SPHKAP: variants seen among roughly 807,000 people sequenced by gnomAD.
SPHKAP encodes SPHK1 interactor, AKAP domain containing, also known as A-kinase anchor protein SPHKAP.
In SPHKAP, 67 loss-of-function variants were observed where a neutral mutation model predicts 137.5. The ratio of observed to expected loss-of-function variants is 0.49; its 90% confidence interval spans 0.40 to 0.60. The LOEUF is 0.60. SPHKAP is among the 20% of genes least tolerant of loss of function. The pLI, the probability that SPHKAP is intolerant of heterozygous loss-of-function variation, is 0.00. For synonymous variants in SPHKAP, 813 were observed against 785.3 expected (o/e 1.04, Z -0.59); for missense variants, 2,097 against 2,069.3 (o/e 1.01, Z -0.26).
At chr2:227,990,632 G>C (rs938537478) in intron 11 of SPHKAP, among the ~76,000 whole-genome samples, 6 of 152,078 alleles carry the variant, frequency 3.9e-5, no homozygotes, top group Admixed American at 6.5e-5. Flanking sequence ...TGTCAGTGTG[G>C]CCTCACTTTG....
chr2:228,108,998 GCTCT>G, intron 2 of SPHKAP, 59 bp from the exon 3 acceptor site: 6 of 1,056,490 alleles, frequency 5.7e-6, no homozygotes, highest in Non-Finnish European at 7.9e-6. Context: ...CTAAACAGCA[GCTCT>G]CTCTCTTTTT....
intron 3 of SPHKAP, among the ~76,000 whole-genome samples, chr2:228,045,499 C>G (rs563389746): frequency 6.6e-6 from 1 of 151,114 alleles, no homozygotes; most frequent in Admixed American, 6.6e-5. Flanking sequence ...ATCGCAAGGA[C>G]AAAAAACCAA....
At chr2:227,984,678 C>T (rs1014601079) in intron 11 of SPHKAP, among the ~76,000 whole-genome samples, 5 of 152,186 alleles carry the variant, frequency 3.3e-5, no homozygotes, top group Admixed American at 6.5e-5. Context: ...TATGATTCCA[C>T]TAAGCAGGCT....
intron 1 of SPHKAP, among the ~76,000 whole-genome samples, chr2:228,158,419 G>A (rs1700176050): frequency 6.7e-6 from 1 of 149,940 alleles, no homozygotes; most frequent in Admixed American, 6.7e-5. Context: ...TCTGAAAGTG[G>A]TTAAAGTAGC....
At chr2:228,151,084 T>G (rs1699914195) in intron 1 of SPHKAP, among the ~76,000 whole-genome samples, 1 of 128,514 alleles carries the variant, frequency 7.8e-6, no homozygotes, top group African/African-American at 2.8e-5. Flanking sequence ...CCCTCCCCGC[T>G]CCCCCCACCC....
At chr2:228,118,389 A>G (rs1248432025) in intron 2 of SPHKAP, among the ~76,000 whole-genome samples, 1 of 151,896 alleles carries the variant, frequency 6.6e-6, no homozygotes, top group Non-Finnish European at 1.5e-5. Context: ...TTGGGTAAGT[A>G]CCCAAGAATG....
chr2:228,095,350 T>A (rs551217535), intron 3 of SPHKAP, among the ~76,000 whole-genome samples: 9 of 152,174 alleles, frequency 5.9e-5, no homozygotes, highest in Non-Finnish European at 1.3e-4. Context: ...TTTGGACAGA[T>A]CTTTGGGAAA....
intron 1 of SPHKAP, chr2:228,172,991 G>T: frequency 1.0e-6 from 1 of 974,382 alleles, no homozygotes; most frequent in Non-Finnish European, 1.2e-6. Flanking sequence ...TGGAAAACTT[G>T]CTGAATAGCA....
At chr2:228,139,914 C>T (rs779326254) in intron 1 of SPHKAP, among the ~76,000 whole-genome samples, 4 of 119,438 alleles carry the variant, frequency 3.3e-5, no homozygotes, top group Non-Finnish European at 8.0e-5. Context: ...TATTTATTTT[C>T]TTTCTTTCTT....
At chr2:228,075,921 G>C (rs984442826) in intron 3 of SPHKAP, among the ~76,000 whole-genome samples, 5 of 152,198 alleles carry the variant, frequency 3.3e-5, no homozygotes, top group Non-Finnish European at 7.3e-5. Flanking sequence ...TGGGTTGGCT[G>C]TGTCCTCACT....
intron 5 of SPHKAP, 102 bp downstream of exon 5, chr2:228,025,292 G>A (rs559419467): frequency 1.7e-5 from 21 of 1,216,310 alleles, no homozygotes; most frequent in South Asian, 1.0e-4. Flanking sequence ...TGATTCCTAT[G>A]TTACAGAAGC....
At chr2:228,134,298 C>G (rs1364312909) in intron 1 of SPHKAP, among the ~76,000 whole-genome samples, 5 of 151,956 alleles carry the variant, frequency 3.3e-5, no homozygotes, top group Admixed American at 6.6e-5. Context: ...AGGAAGAAAG[C>G]AGGAAAAAGA....
At chr2:228,175,958 G>A (rs966891847) in intron 1 of SPHKAP, among the ~76,000 whole-genome samples, 6 of 152,116 alleles carry the variant, frequency 3.9e-5, no homozygotes, top group African/African-American at 1.4e-4. Flanking sequence ...ATATTTAGAG[G>A]AGTTCATTCA....
intron 3 of SPHKAP, among the ~76,000 whole-genome samples, chr2:228,051,068 G>C (rs1339218903): frequency 6.6e-6 from 1 of 152,112 alleles, no homozygotes; most frequent in Non-Finnish European, 1.5e-5. Flanking sequence ...GCCTCCCAAA[G>C]TGCTGGGATT....
intron 3 of SPHKAP, among the ~76,000 whole-genome samples, chr2:228,042,955 TG>T (rs1224372359): frequency 6.6e-6 from 1 of 152,234 alleles, no homozygotes. Context: ...CCTGTTATCA[TG>T]TATTATAATA....
intron 2 of SPHKAP, among the ~76,000 whole-genome samples, chr2:228,116,593 T>G (rs1698716823): frequency 6.6e-6 from 1 of 152,284 alleles, no homozygotes; most frequent in South Asian, 2.1e-4. Context: ...ACTGATCCAA[T>G]AAATATGACT....
In SPHKAP at chr2:228,156,881, C is replaced by A. The variant is rs527567985; in HGVS notation, c.32+24686G>T. ...TTGCCTTCTGCCATGATTGTGAGGC[C>A]TCCCCAGCCATATGGAACTGTGAGT... On this transcript the variant is annotated intron_variant, in intron 1 of 11. Transcript: ENST00000392056. Among the ~76,000 whole-genome samples the A allele has an allele frequency of 2.5e-3, 380 of 152,228 alleles. 3 individuals carry two copies. Among genetic ancestry groups the A allele is most frequent in the African/African-American group, 9.0e-3 (373 of 41,544 alleles).
chr2:228,166,830 A>C (rs1426769373), intron 1 of SPHKAP, among the ~76,000 whole-genome samples: 1 of 152,172 alleles, frequency 6.6e-6, no homozygotes, highest in Non-Finnish European at 1.5e-5. Flanking sequence ...ATTGGCTCAC[A>C]GTTCTGCGGG....
chr2:228,006,840 G>A (rs1694159709), intron 7 of SPHKAP, among the ~76,000 whole-genome samples: 1 of 152,210 alleles, frequency 6.6e-6, no homozygotes, highest in Non-Finnish European at 1.5e-5. Flanking sequence ...AGCAGTGGAG[G>A]CTGCAGAACA....
Sources: gnomAD v4.1 joint callset for allele counts (sites outside exome capture counted in the v4.1 genomes callset) on GRCh38, gnomAD v4.1.1 for gene constraint, MANE v1.5 for transcripts, NCBI Gene and HGNC (gene_info 2026-07-23, HGNC 2026-07-21) for gene names.